The following DNMBP variants were observed in gnomAD, a reference collection of about 807,000 sequenced individuals.
DNMBP encodes dynamin binding protein.
Under a neutral mutation model 150.0 loss-of-function variants are expected in DNMBP, and 87 were observed. The ratio of observed to expected loss-of-function variants is 0.58; its 90% CI spans 0.49 to 0.69. DNMBP has a LOEUF of 0.69. Ranked by LOEUF, DNMBP falls within the 30% of genes least tolerant of loss-of-function variation. The probability of loss-of-function intolerance (pLI) is 0.00; values close to 1 mark genes in which losing one functional copy is unlikely to be tolerated. For missense variants in DNMBP, 1,774 were observed against 1,949.0 expected (o/e 0.91, Z 1.69); for synonymous variants, 711 against 750.4 (o/e 0.95, Z 0.86).
chr10:99,893,559 C>A (rs756459282), intron 11 of DNMBP, among the ~76,000 whole-genome samples: 1 of 152,210 alleles, frequency 6.6e-6, no homozygotes, highest in Non-Finnish European at 1.5e-5. Context: ...CATGATGACA[C>A]CCCGTCTCTA....
At chr10:99,966,936 G>T (rs1448029641) in intron 3 of DNMBP, among the ~76,000 whole-genome samples, 1 of 151,608 alleles carries the variant, frequency 6.6e-6, no homozygotes, top group African/African-American at 2.4e-5. Flanking sequence ...CCACTGGTAT[G>T]CACCACCATG....
intron 1 of DNMBP, 66 bp downstream of exon 1, chr10:100,009,772 C>T (rs2041113691): frequency 1.3e-5 from 2 of 149,728 alleles, no homozygotes; most frequent in African/African-American, 2.4e-5. Context: ...CCGCCCGCGG[C>T]CCCGGACCGC....
At chr10:99,967,768 T>C (rs1322180874) in intron 3 of DNMBP, among the ~76,000 whole-genome samples, 1 of 151,806 alleles carries the variant, frequency 6.6e-6, no homozygotes, top group Non-Finnish European at 1.5e-5. Context: ...GAGCAAGTAA[T>C]GATATTAATA....
At chr10:99,931,392 A>G (rs894485018) in intron 4 of DNMBP, among the ~76,000 whole-genome samples, 3 of 152,178 alleles carry the variant, frequency 2.0e-5, no homozygotes, top group Non-Finnish European at 4.4e-5. Context: ...CAGTTAGTGT[A>G]CACTCCAATC....
rs1410288107 is a variant in DNMBP, at chr10:99,908,018, G to A, written c.2531C>T (p.Ala844Val). The change falls in exon 6 of 17, where the codon GCT becomes GTT. Residue 844 changes from alanine (A) to valine (V), a missense_variant. Physicochemically the swap from Ala to Val is moderately conservative, Grantham distance 64. Around this residue, in one of 2 missense-constraint regions of DNMBP, gnomAD observed 1,430 missense variants for 1,492.5 expected, o/e 0.96. Transcript: ENST00000324109. ...ACCTACAGCATCGCTGATTTCCAGAGCAGCCAATAATTGCTTCGAGACCTT... is the reference window on the plus strand; with the variant it reads ...ACCTACAGCATCGCTGATTTCCAGAACAGCCAATAATTGCTTCGAGACCTT... The part of the protein sequence containing the change: ...VIKVSKQLLA[A>V]LEISDAVGPV... The A allele has an allele frequency of 6.2e-7, 1 of 1,613,908 alleles. No homozygotes were observed. Among genetic ancestry groups the A allele is most frequent in the Admixed American group, 1.7e-5 (1 of 60,022 alleles).
Position 99,971,979 on chromosome 10 carries a change from C to T in DNMBP, c.145+1G>A, listed in dbSNP as rs1382517214. ...TGGTCCACTATGAGTCTCTTACTTA[C>T]CTGTAACATCCTCCTTCTTTCCTAG... On this transcript the variant is annotated splice_donor_variant, in intron 2 of 16. Transcript: ENST00000324109. LOFTEE classifies it high-confidence loss of function. 1 of 1,612,444 alleles carries T rather than the reference C, an allele frequency of 6.2e-7. No homozygotes were observed. The highest frequency in any genetic ancestry group is 2.2e-5 in the East Asian group (1 of 44,800).
chr10:99,896,127 A>C (rs1461039426), intron 10 of DNMBP, 140 bp downstream of exon 10: 17 of 864,776 alleles, frequency 2.0e-5, no homozygotes, highest in Non-Finnish European at 2.8e-5. Context: ...CAGCAGCTGG[A>C]GGGCCCTGTC....
In DNMBP at chr10:99,884,030, G is replaced by A; in HGVS notation, c.3978C>T (p.Arg1326=). 6.2e-7 allele frequency: 1 copy of A among 1,613,920 alleles called. No individual in the cohort carries two copies. Among genetic ancestry groups the A allele is most frequent in the Non-Finnish European group, 8.5e-7 (1 of 1,179,992 alleles). ...TCTTACCTCCATTGTCAATCAGCCA[G>A]CGGTTCTGGCTGCCCATGGGGTCTT... The part of the protein sequence containing the change: ...KKKDPMGSQN[R]WLIDNGVTKG... Residue 1326 remains arginine (R), a synonymous_variant, in exon 15 of 17, where the codon CGC becomes CGT. Coordinates refer to ENST00000324109, the MANE Select transcript of DNMBP (RefSeq NM_015221.4).
At chr10:99,935,824 C>A (rs56145646) in intron 4 of DNMBP, among the ~76,000 whole-genome samples, 15,030 of 152,202 alleles carry the variant, frequency 0.099, 810 homozygotes, top group Middle Eastern at 0.23. Flanking sequence ...CTCGGCCTCC[C>A]GAAGTGCTGG....
chr10:99,918,570 ACTT>A (rs1002703483), intron 4 of DNMBP, among the ~76,000 whole-genome samples: 2 of 88,750 alleles, frequency 2.3e-5, no homozygotes, highest in African/African-American at 9.7e-5. Flanking sequence ...GGAGTCTGCA[ACTT>A]CTTTTTTTTT....
intron 4 of DNMBP, among the ~76,000 whole-genome samples, chr10:99,915,345 G>A (rs187474541): frequency 6.6e-4 from 99 of 151,062 alleles, no homozygotes; most frequent in South Asian, 1.7e-3. Flanking sequence ...GGGAGAAGTT[G>A]AGATCAATGG....
chr10:99,915,053 CAT>C, intron 4 of DNMBP, among the ~76,000 whole-genome samples: 1 of 142,870 alleles, frequency 7.0e-6, no homozygotes, highest in East Asian at 2.0e-4. Flanking sequence ...GAGATCGTAC[CAT>C]TGCACTCCAG....
At chr10:99,891,186 C>CTCTCCCCACCT (rs1554859551) in intron 11 of DNMBP, among the ~76,000 whole-genome samples, 4 of 149,704 alleles carry the variant, frequency 2.7e-5, no homozygotes, top group African/African-American at 9.8e-5. Flanking sequence ...CCCCCTCTCC[C>CTCTCCCCACCT]TCTCCCCACC....
intron 1 of DNMBP, among the ~76,000 whole-genome samples, chr10:99,980,298 T>G (rs1050593526): frequency 8.6e-5 from 13 of 151,686 alleles, no homozygotes; most frequent in African/African-American, 3.2e-4. Flanking sequence ...TACAAAAAAA[T>G]TAGCCAAGTG....
intron 3 of DNMBP, among the ~76,000 whole-genome samples, chr10:99,967,668 G>T (rs865822380): frequency 2.1e-5 from 3 of 145,564 alleles, no homozygotes; most frequent in Admixed American, 6.8e-5. Context: ...GGTTTTTCTG[G>T]GTGTGTGTGT....
intron 4 of DNMBP, among the ~76,000 whole-genome samples, chr10:99,932,019 T>C (rs955069333): frequency 6.6e-6 from 1 of 152,214 alleles, no homozygotes; most frequent in African/African-American, 2.4e-5. Flanking sequence ...AAGAGATAGG[T>C]TGGGGTGGAC....
intron 4 of DNMBP, chr10:99,930,999 G>A: frequency 2.3e-6 from 1 of 425,910 alleles, no homozygotes; most frequent in Non-Finnish European, 4.1e-6. Flanking sequence ...AAGATAATGA[G>A]TAACTAGTAT....
Position 99,885,777 on chromosome 10 carries a change from G to A in DNMBP, c.3708C>T (p.Thr1236=), listed in dbSNP as rs41290514. Residue 1236 remains threonine, a synonymous_variant, in exon 14 of 17, where the codon ACC becomes ACT. Transcript: ENST00000324109. ...SRVLQQLQVF[T]FFPESLPATK... ...TAGCTGGAAGAGACTCCGGGAAGAA[G>A]GTAAAAACCTGGAGTTGCTGCAGAA... 58,381 of 1,611,026 alleles carry A rather than the reference G, an allele frequency of 0.036. 1,341 individuals carry two copies. The highest frequency in any genetic ancestry group is 0.088 in the South Asian group (7,946 of 90,092).
chr10:99,918,046 A>G (rs1355562279), intron 4 of DNMBP, among the ~76,000 whole-genome samples: 2 of 151,920 alleles, frequency 1.3e-5, no homozygotes, highest in African/African-American at 4.8e-5. Flanking sequence ...CAAAAACACA[A>G]CTGCCTGCCT....
Sources: allele counts gnomAD v4.1 joint callset (sites outside exome capture counted in the v4.1 genomes callset), GRCh38; gene constraint gnomAD v4.1.1; regional missense constraint gnomAD v4.1.1; transcripts MANE v1.5; gene names NCBI Gene and HGNC (gene_info 2026-07-23, HGNC 2026-07-21).